FNDC3A: variants seen among roughly 807,000 people sequenced by gnomAD.
FNDC3A encodes the protein fibronectin type III domain containing 3A, also known as fibronectin type-III domain-containing protein 3A.
FNDC3A carries 32 observed loss-of-function variants against 148.9 expected under a neutral mutation model. The ratio of observed to expected loss-of-function variants is 0.21; its 90% CI spans 0.16 to 0.29. The LOEUF is 0.29. Ranked by LOEUF, FNDC3A falls within the 10% of genes least tolerant of loss-of-function variation. FNDC3A has a pLI of 1.00. For synonymous variants in FNDC3A, 472 were observed against 473.6 expected, an observed-to-expected ratio of 1.00 and a Z score of 0.04; for missense variants, 1,191 against 1,452.8, an observed-to-expected ratio of 0.82 and a Z score of 2.93.
At chr13:48,977,881 G>GGA (rs1355007941) in intron 1 of FNDC3A, among the ~76,000 whole-genome samples, 2 of 151,862 alleles carry the variant, frequency 1.3e-5, no homozygotes, top group Non-Finnish European at 2.9e-5. Context: ...TCTATGTGTA[G>GGA]GTTAACTGGA....
At chr13:49,074,232 C>T (rs1010947164) in intron 2 of FNDC3A, among the ~76,000 whole-genome samples, 18 of 152,120 alleles carry the variant, frequency 1.2e-4, no homozygotes, top group African/African-American at 4.1e-4. Context: ...ATCCCTCACA[C>T]TCCCCTCTCC....
At chr13:49,020,360 C>G (rs1873229039) in intron 2 of FNDC3A, among the ~76,000 whole-genome samples, 1 of 152,052 alleles carries the variant, frequency 6.6e-6, no homozygotes, top group Non-Finnish European at 1.5e-5. Flanking sequence ...AAAAATTTCC[C>G]CAGGATTTTC....
At chr13:49,058,829 A>C (rs1055631052) in intron 2 of FNDC3A, among the ~76,000 whole-genome samples, 1 of 152,184 alleles carries the variant, frequency 6.6e-6, no homozygotes, top group Non-Finnish European at 1.5e-5. Flanking sequence ...CCTCAAGCTA[A>C]TATTTATTTC....
chr13:49,077,330 T>G (rs1476727452), intron 3 of FNDC3A, among the ~76,000 whole-genome samples: 1 of 152,188 alleles, frequency 6.6e-6, no homozygotes, highest in African/African-American at 2.4e-5. Flanking sequence ...TACTTTGTCA[T>G]CTTTCAAACT....
At chr13:49,084,846 CT>C (rs1273858913) in intron 3 of FNDC3A, among the ~76,000 whole-genome samples, 1 of 152,098 alleles carries the variant, frequency 6.6e-6, no homozygotes, top group Non-Finnish European at 1.5e-5. Flanking sequence ...GCTGGTATGG[CT>C]TTTTCTGCCA....
At chr13:49,041,827 A>G (rs1040044970) in intron 2 of FNDC3A, among the ~76,000 whole-genome samples, 2 of 151,756 alleles carry the variant, frequency 1.3e-5, no homozygotes, top group African/African-American at 2.4e-5. Flanking sequence ...AAAAAAAAAA[A>G]AAAGAAAAGA....
Position 49,186,028 on chromosome 13 carries a change from C to T in FNDC3A, c.1682C>T (p.Pro561Leu). 6.2e-7 allele frequency: 1 copy of T among 1,611,770 alleles called. No individual in the cohort carries two copies. Among genetic ancestry groups the T allele is most frequent in the East Asian group, 2.2e-5 (1 of 44,766 alleles). The change falls in exon 15 of 26, where the codon CCT becomes CTT. Residue 561 changes from proline (P) to leucine (L), a missense_variant. Pro to Leu is a moderately conservative substitution (Grantham distance 98). Coordinates refer to ENST00000492622, the MANE Select transcript of FNDC3A (RefSeq NM_001079673.2). ...PSEVVEFTTC[P>L]DKPGIPVKPS... is the part of the protein sequence containing the mutation. ...GAAGTAGTAGAATTTACTACTTGCCCTGATAAACCAGGCATACCTGTAAAG... is the reference window on the plus strand; with the variant it reads ...GAAGTAGTAGAATTTACTACTTGCCTTGATAAACCAGGCATACCTGTAAAG...
chr13:49,200,435 A>G (rs755033149), intron 23 of FNDC3A, among the ~76,000 whole-genome samples: 2 of 152,272 alleles, frequency 1.3e-5, no homozygotes, highest in Non-Finnish European at 2.9e-5. Flanking sequence ...CCTTATCTCT[A>G]CAAAGAGATT....
intron 23 of FNDC3A, among the ~76,000 whole-genome samples, chr13:49,200,080 A>G (rs1251436036): frequency 6.6e-6 from 1 of 152,208 alleles, no homozygotes; most frequent in Non-Finnish European, 1.5e-5. Flanking sequence ...ATCCTTTAAT[A>G]TTTTAAGAAT....
At chr13:49,175,868 TC>T (rs1885002564) in intron 13 of FNDC3A, among the ~76,000 whole-genome samples, 1 of 152,184 alleles carries the variant, frequency 6.6e-6, no homozygotes, top group Non-Finnish European at 1.5e-5. Flanking sequence ...TGAGATACAT[TC>T]CATCAGTACC....
chr13:48,999,898 G>A (rs558615314), intron 1 of FNDC3A, among the ~76,000 whole-genome samples: 150 of 152,294 alleles, frequency 9.8e-4, no homozygotes, highest in Non-Finnish European at 1.8e-3. Context: ...GCCAGCATCT[G>A]GATCTTAAAC....
At chr13:49,113,953 A>G (rs1415496822) in intron 3 of FNDC3A, among the ~76,000 whole-genome samples, 1 of 152,238 alleles carries the variant, frequency 6.6e-6, no homozygotes, top group African/African-American at 2.4e-5. Flanking sequence ...ACCTAACACT[A>G]TAAAAGTGAA....
intron 19 of FNDC3A, among the ~76,000 whole-genome samples, chr13:49,192,559 A>G (rs1885939729): frequency 1.3e-5 from 2 of 152,114 alleles, no homozygotes; most frequent in Non-Finnish European, 2.9e-5. Context: ...GGCCTCCCAA[A>G]GTAGTGGGAT....
intron 2 of FNDC3A, among the ~76,000 whole-genome samples, chr13:49,024,669 A>G (rs1296610860): frequency 6.6e-6 from 1 of 151,976 alleles, no homozygotes; most frequent in Non-Finnish European, 1.5e-5. Context: ...TATTTGATAA[A>G]TTCAGCATCC....
At chr13:49,145,094 T>G (rs1233703224) in intron 7 of FNDC3A, among the ~76,000 whole-genome samples, 1 of 152,160 alleles carries the variant, frequency 6.6e-6, no homozygotes, top group African/African-American at 2.4e-5. Flanking sequence ...TATGTTAAGT[T>G]TATAGGATAT....
At chr13:49,058,198 C>A (rs533747302) in intron 2 of FNDC3A, among the ~76,000 whole-genome samples, 1 of 152,188 alleles carries the variant, frequency 6.6e-6, no homozygotes, top group South Asian at 2.1e-4. Flanking sequence ...CTTTTAAGGG[C>A]TCACAACTCT....
rs7983974 is a variant in FNDC3A at position 49,127,984 on chromosome 13, C to T, written c.253-3153C>T. ...GCAACCTCTGCCTCCCGGGTTCAAA[C>T]GATTCTCTTGCCTCAGCCTCCTGAG... is the stretch of plus-strand genomic sequence containing the variant. On this transcript the variant is annotated intron_variant, in intron 4 of 25. Transcript: ENST00000492622. 5.3e-3 allele frequency among the ~76,000 whole-genome samples: 811 copies of T among 152,120 alleles called. 8 individuals carry two copies. The highest frequency in any genetic ancestry group is 0.019 in the African/African-American group (769 of 41,492).
chr13:49,129,429 T>C (rs1013863029), intron 4 of FNDC3A, among the ~76,000 whole-genome samples: 2 of 152,144 alleles, frequency 1.3e-5, no homozygotes. Flanking sequence ...AATGGCTCCG[T>C]TTTTTAAGAT....
intron 3 of FNDC3A, among the ~76,000 whole-genome samples, chr13:49,105,961 GT>G (rs1880148133): frequency 1.3e-5 from 2 of 152,152 alleles, no homozygotes; most frequent in Non-Finnish European, 1.5e-5. Context: ...AAAGCATACA[GT>G]AACCTATGAG....
Sources: allele counts gnomAD v4.1 joint callset (sites outside exome capture counted in the v4.1 genomes callset), GRCh38; gene constraint gnomAD v4.1.1; transcripts MANE v1.5; gene names NCBI Gene and HGNC (gene_info 2026-07-23, HGNC 2026-07-21).